Variants in TASOR2 observed in about 807,000 individuals in gnomAD.
TASOR2 encodes transcription activation suppressor family member 2.
In TASOR2, 84 loss-of-function variants were observed where a neutral mutation model predicts 199.5. That is an observed-to-expected ratio of 0.42 (90% CI 0.35 to 0.50). TASOR2 has a LOEUF of 0.50. Ranked by LOEUF, TASOR2 falls within the 20% of genes least tolerant of loss-of-function variation. The pLI, the probability that TASOR2 is intolerant of heterozygous loss-of-function variation, is 0.02. For missense variants in TASOR2, 2,796 were observed against 2,835.9 expected, an observed-to-expected ratio of 0.99 and a Z score of 0.32; for synonymous variants, 1,103 against 1,046.6, an observed-to-expected ratio of 1.05 and a Z score of -1.04.
At chr10:5,691,566 A>G (rs1419932308) in intron 1 of TASOR2, among the ~76,000 whole-genome samples, 2 of 152,208 alleles carry the variant, frequency 1.3e-5, no homozygotes, top group Non-Finnish European at 2.9e-5. Context: ...TAATCTACAT[A>G]ATTGTTTATG....
intron 8 of TASOR2, among the ~76,000 whole-genome samples, chr10:5,725,722 A>G (rs1232923383): frequency 6.6e-6 from 1 of 152,192 alleles, no homozygotes; most frequent in Non-Finnish European, 1.5e-5. Context: ...TCAAGGATGC[A>G]GTGAGCTGTT....
chr10:5,749,003 T>A, exon 15 of TASOR2: 1 of 1,614,094 alleles, frequency 6.2e-7, no homozygotes, highest in Non-Finnish European at 8.5e-7. Flanking sequence ...AAAAAAGATG[T>A]TCCCACAGAT....
At chr10:5,721,953 G>T (rs1029255898) in intron 6 of TASOR2, among the ~76,000 whole-genome samples, 2 of 152,134 alleles carry the variant, frequency 1.3e-5, no homozygotes, top group African/African-American at 4.8e-5. Context: ...GTAAAGAAAA[G>T]ACTGAAAAAC....
intron 19 of TASOR2, 77 bp from the exon 21 acceptor site, chr10:5,762,455 A>C (rs1001021436): frequency 2.5e-6 from 1 of 398,686 alleles, no homozygotes; most frequent in Non-Finnish European, 4.4e-6. Flanking sequence ...GATTTTTTAA[A>C]ATAAAAAACC....
At chr10:5,712,731 G>T (rs565023089) in intron 1 of TASOR2, 92 bp from the exon 2 acceptor site, 1 of 743,382 alleles carries the variant, frequency 1.3e-6, no homozygotes, top group Non-Finnish European at 1.8e-6. Context: ...AGTCTTAATG[G>T]CAGGAAGAAT....
At chr10:5,763,248 T>C (rs1340983832) in exon 21 of TASOR2, 1 of 440,816 alleles carries the variant, frequency 2.3e-6, no homozygotes. Flanking sequence ...GTGCTAGATA[T>C]TGTTTTAAAT....
At chr10:5,725,853 T>C (rs1411072283) in intron 8 of TASOR2, among the ~76,000 whole-genome samples, 1 of 152,178 alleles carries the variant, frequency 6.6e-6, no homozygotes, top group Non-Finnish European at 1.5e-5. Flanking sequence ...GAGACAAATA[T>C]GTAAGTCATC....
rs1338718297 is a variant in TASOR2, at chr10:5,754,947, G to A, written c.6607-1666G>A. Among the ~76,000 whole-genome samples, 1 of 150,578 alleles carries A rather than the reference G, an allele frequency of 6.6e-6. No homozygotes were observed. The highest frequency in any genetic ancestry group is 1.5e-5 in the Non-Finnish European group (1 of 67,758). On this transcript the variant is annotated intron_variant, in intron 15 of 20. Coordinates refer to ENST00000328090, the Ensembl canonical transcript of TASOR2. This position sits in a 1 kb window ranked among gnomAD's most constrained non-coding sequence, Gnocchi z 4.3. The stretch of plus-strand genomic sequence containing the variant: ...TGTAGTCCCAGCTACTCGGGAGGCT[G>A]AGGCAGGAGAATGGCGTGAACCCGG...
At chr10:5,762,821 A>C (rs1588955874) in intron 20 of TASOR2, 175 bp downstream of exon 21, 1 of 632,336 alleles carries the variant, frequency 1.6e-6, no homozygotes, top group East Asian at 3.0e-5. Flanking sequence ...GGAATTCCTA[A>C]ATTATCACTA....
rs1018413173 is a variant in TASOR2, at chr10:5,690,042, A to T, written c.-288+4867A>T. Among the ~76,000 whole-genome samples the T allele has an allele frequency of 6.6e-6, 1 of 152,166 alleles. No homozygotes were observed. On this transcript the variant is annotated intron_variant, in intron 1 of 20. Transcript: ENST00000328090. The surrounding 1 kb of genome is among the most constrained non-coding windows in gnomAD (Gnocchi z 4.8). ...GTTTTCAGATTTATTGATATAAATT[A>T]TACATGGTGATTTATAATTTTAGAA... is the stretch of plus-strand genomic sequence containing the variant.
At chr10:5,759,969 C>T (rs543433022) in intron 18 of TASOR2, among the ~76,000 whole-genome samples, 46 of 152,268 alleles carry the variant, frequency 3.0e-4, no homozygotes, top group African/African-American at 1.0e-3. Flanking sequence ...TCTGATGTAC[C>T]ACAGCACACC....
rs928359558 is a variant in TASOR2, at chr10:5,750,514, C to T, written c.6606+487C>T. On this transcript the variant is annotated intron_variant, in intron 15 of 20. Coordinates refer to ENST00000328090, the Ensembl canonical transcript of TASOR2. This position sits in a 1 kb window ranked among gnomAD's most constrained non-coding sequence, Gnocchi z 5.4. ...AACCATGGTGAAATTCTGGCATGGG[C>T]GGAGCCTGTCTTGATTGAACCTGTC... is the stretch of plus-strand genomic sequence containing the variant. 2.6e-5 allele frequency among the ~76,000 whole-genome samples: 4 copies of T among 152,154 alleles called. No homozygotes were observed. The highest frequency in any genetic ancestry group is 5.9e-5 in the Non-Finnish European group (4 of 68,032).
exon 13 of TASOR2, chr10:5,739,814 C>G (rs1416600699): frequency 6.2e-7 from 1 of 1,614,186 alleles, no homozygotes; most frequent in African/African-American, 1.3e-5. Flanking sequence ...CTACTTCTTC[C>G]ACACCAGTAT....
intron 1 of TASOR2, among the ~76,000 whole-genome samples, chr10:5,695,343 A>G (rs148678395): frequency 1.4e-3 from 213 of 152,344 alleles, no homozygotes; most frequent in Non-Finnish European, 1.0e-3. Flanking sequence ...ATGCTTTGAG[A>G]TAATATCATT....
chr10:5,759,067 C>G (rs1259237753), intron 18 of TASOR2, 75 bp downstream of exon 19: 2 of 1,021,582 alleles, frequency 2.0e-6, no homozygotes, highest in South Asian at 2.8e-5. Context: ...TCCATGGGCT[C>G]TAGCCTAGTG....
chr10:5,736,693 T>TA (rs1161864680), intron 12 of TASOR2, among the ~76,000 whole-genome samples: 2 of 152,226 alleles, frequency 1.3e-5, no homozygotes, highest in African/African-American at 4.8e-5. Flanking sequence ...ATAACCTCTG[T>TA]ACTAGAAAGT....
Position 5,746,191 on chromosome 10 carries a change from G to T in TASOR2, c.2770G>T (p.Glu924Ter). The T allele has an allele frequency of 1.3e-6, 2 of 1,527,720 alleles. No homozygotes were observed. The highest frequency in any genetic ancestry group is 1.3e-5 in the South Asian group (1 of 76,312). 94.6% of individuals were successfully genotyped at this position (1,527,720 alleles called of 1,614,324 possible). A position where few individuals can be genotyped will look rare whatever the true frequency, so the allele number is the denominator to read the frequency against. Residue 924 changes from glutamate to a stop codon, truncating the protein, a stop_gained, in exon 15 of 21, where the codon GAA (glutamate) becomes TAA (stop). Coordinates refer to ENST00000328090, the Ensembl canonical transcript of TASOR2. LOFTEE classifies it high-confidence loss of function. ...TTGGCCGTTTCAGGTAACTGGGGAAGAAGCTAAACAAGAATCATTGGAGAC... is the reference window on the plus strand; with the variant it reads ...TTGGCCGTTTCAGGTAACTGGGGAATAAGCTAAACAAGAATCATTGGAGAC...
At chr10:5,760,283 T>C (rs554229014) in intron 18 of TASOR2, among the ~76,000 whole-genome samples, 1 of 152,340 alleles carries the variant, frequency 6.6e-6, no homozygotes, top group South Asian at 2.1e-4. Flanking sequence ...GTATATGTGG[T>C]CCGTCATTGA....
chr10:5,743,561 C>T (rs1429657985), intron 14 of TASOR2, among the ~76,000 whole-genome samples: 1 of 152,098 alleles, frequency 6.6e-6, no homozygotes, highest in Non-Finnish European at 1.5e-5. Context: ...TAAATGTTAA[C>T]TATGTATGTG....
Sources: gnomAD v4.1 joint callset for allele counts (sites outside exome capture counted in the v4.1 genomes callset) on GRCh38, gnomAD v4.1.1 for gene constraint, Gnocchi (gnomAD v3.1) non-coding constraint, MANE v1.5 for transcripts, NCBI Gene and HGNC (gene_info 2026-07-23, HGNC 2026-07-21) for gene names.